Variants in LHFPL3 observed in about 807,000 individuals in gnomAD.
LHFPL3 encodes the protein LHFPL tetraspan subfamily member 3, also known as LHFPL tetraspan subfamily member 3 protein.
LHFPL3 carries 5 observed loss-of-function variants against 19.3 expected under a neutral mutation model. The observed-to-expected ratio is 0.26, with a 90% confidence interval of 0.14 to 0.54. LHFPL3 has a LOEUF of 0.54. Among genes scored for constraint, LHFPL3 ranks in the 20% least tolerant of loss-of-function variants. The pLI, the probability that LHFPL3 is intolerant of heterozygous loss-of-function variation, is 0.94. For missense variants in LHFPL3, 249 were observed against 307.4 expected (o/e 0.81, Z 1.42); for synonymous variants, 133 against 126.2 (o/e 1.05, Z -0.36).
chr7:104,534,380 C>T (rs181275635), intron 1 of LHFPL3, among the ~76,000 whole-genome samples: 14 of 152,318 alleles, frequency 9.2e-5, no homozygotes, highest in African/African-American at 3.4e-4. Flanking sequence ...AGCATGGCAC[C>T]CCAGTTCCAC....
chr7:104,870,494 C>T (rs921802312), intron 2 of LHFPL3, among the ~76,000 whole-genome samples: 3 of 152,232 alleles, frequency 2.0e-5, no homozygotes, highest in African/African-American at 7.2e-5. Flanking sequence ...ATGGAGCCTG[C>T]TTCCTCTTTG....
intron 1 of LHFPL3, among the ~76,000 whole-genome samples, chr7:104,435,807 G>A (rs1313070506): frequency 2.0e-5 from 3 of 150,660 alleles, no homozygotes; most frequent in African/African-American, 7.3e-5. Flanking sequence ...CTATAAAATG[G>A]CTATTTATAG....
chr7:104,612,013 A>G (rs2115753490), intron 1 of LHFPL3, among the ~76,000 whole-genome samples: 1 of 152,258 alleles, frequency 6.6e-6, no homozygotes, highest in Non-Finnish European at 1.5e-5. Flanking sequence ...TTTCTTCAAG[A>G]TTCTTCAAGA....
intron 1 of LHFPL3, among the ~76,000 whole-genome samples, chr7:104,424,717 C>A (rs561365717): frequency 1.3e-5 from 2 of 152,128 alleles, no homozygotes; most frequent in African/African-American, 4.8e-5. Context: ...CTTGGCCGGG[C>A]GCGGTGGCTC....
At chr7:104,597,701 A>G (rs775418236) in intron 1 of LHFPL3, among the ~76,000 whole-genome samples, 3 of 152,226 alleles carry the variant, frequency 2.0e-5, no homozygotes, top group Middle Eastern at 3.2e-3. Flanking sequence ...ATTTCAATCA[A>G]TATATGCAAC....
At chr7:104,705,399 C>T (rs1049022141) in intron 1 of LHFPL3, among the ~76,000 whole-genome samples, 3 of 152,142 alleles carry the variant, frequency 2.0e-5, no homozygotes, top group Non-Finnish European at 2.9e-5. Flanking sequence ...TCAACAGCAG[C>T]CATCATCTTC....
intron 2 of LHFPL3, among the ~76,000 whole-genome samples, chr7:104,781,786 A>G (rs889313040): frequency 6.6e-6 from 1 of 152,156 alleles, no homozygotes; most frequent in African/African-American, 2.4e-5. Flanking sequence ...AGAATTTGAC[A>G]TTGATAACCA....
At chr7:104,898,265 C>T (rs1792406860) in intron 2 of LHFPL3, among the ~76,000 whole-genome samples, 1 of 151,996 alleles carries the variant, frequency 6.6e-6, no homozygotes, top group Non-Finnish European at 1.5e-5. Flanking sequence ...CCTCAGCCTC[C>T]CAAAGTGCTG....
intron 1 of LHFPL3, among the ~76,000 whole-genome samples, chr7:104,378,086 T>C (rs1254311914): frequency 6.6e-6 from 1 of 152,212 alleles, no homozygotes; most frequent in Non-Finnish European, 1.5e-5. Flanking sequence ...ATGTACAGTT[T>C]ATAGAGTTTT....
At chr7:104,516,386 G>A (rs1489421406) in intron 1 of LHFPL3, among the ~76,000 whole-genome samples, 1 of 152,050 alleles carries the variant, frequency 6.6e-6, no homozygotes, top group Admixed American at 6.6e-5. Context: ...TTTGGGTAGG[G>A]ACACAGCCAA....
intron 1 of LHFPL3, among the ~76,000 whole-genome samples, chr7:104,605,719 G>T (rs1426755544): frequency 6.6e-6 from 1 of 151,958 alleles, no homozygotes; most frequent in Non-Finnish European, 1.5e-5. Context: ...TTGGTATTCA[G>T]TTTACAGATA....
intron 1 of LHFPL3, among the ~76,000 whole-genome samples, chr7:104,408,990 G>A (rs1329504505): frequency 4.0e-5 from 6 of 150,264 alleles, no homozygotes; most frequent in African/African-American, 1.5e-4. Context: ...TCAGCCTCCC[G>A]AGTAGCAGGG....
intron 1 of LHFPL3, among the ~76,000 whole-genome samples, chr7:104,351,533 A>G (rs1045006549): frequency 2.6e-5 from 4 of 152,190 alleles, no homozygotes; most frequent in African/African-American, 9.7e-5. Context: ...AGAAGTCACT[A>G]TATGTAAAAC....
intron 2 of LHFPL3, among the ~76,000 whole-genome samples, chr7:104,743,636 C>A (rs1027158699): frequency 6.6e-6 from 1 of 152,112 alleles, no homozygotes. Flanking sequence ...CCCATATAAC[C>A]TTTTCATTGA....
intron 1 of LHFPL3, among the ~76,000 whole-genome samples, chr7:104,331,486 A>C (rs1801566103): frequency 6.6e-6 from 1 of 152,188 alleles, no homozygotes; most frequent in Non-Finnish European, 1.5e-5. Flanking sequence ...ATTGATTCTG[A>C]TGACAGGTCA....
intron 1 of LHFPL3, among the ~76,000 whole-genome samples, chr7:104,365,852 G>A (rs1790484819): frequency 6.6e-6 from 1 of 151,682 alleles, no homozygotes; most frequent in Admixed American, 6.6e-5. Context: ...TGTGTGGGCG[G>A]GGAGGGGAGA....
At chr7:104,800,992 G>A (rs1181193218) in intron 2 of LHFPL3, among the ~76,000 whole-genome samples, 1 of 152,166 alleles carries the variant, frequency 6.6e-6, no homozygotes, top group Non-Finnish European at 1.5e-5. Flanking sequence ...TAGAAAAAAT[G>A]AGGGAGGTGA....
chr7:104,399,660 G>C lies in LHFPL3; in HGVS notation c.445+70436G>C, dbSNP rs1260956158. 2.0e-5 allele frequency among the ~76,000 whole-genome samples: 3 copies of C among 147,028 alleles called. No individual in the cohort carries two copies. The highest frequency in any genetic ancestry group is 4.5e-5 in the Non-Finnish European group (3 of 66,822). On this transcript the variant is annotated intron_variant, in intron 1 of 2. Coordinates refer to ENST00000424859, the MANE Select transcript of LHFPL3 (RefSeq NM_199000.3). This position sits in a 1 kb window ranked among gnomAD's most constrained non-coding sequence, Gnocchi z 4.4. The stretch of plus-strand genomic sequence containing the variant: ...CATTTTTTTTTTTTTTTTTGGTAGA[G>C]ACGGGGTTTCACCATATTGGCCAGG...
intron 1 of LHFPL3, among the ~76,000 whole-genome samples, chr7:104,388,466 A>C (rs989373493): frequency 1.1e-4 from 17 of 152,178 alleles, no homozygotes; most frequent in Non-Finnish European, 1.5e-5. Context: ...GGCGTATTCA[A>C]AGTGCTGAAA....
Sources: allele counts gnomAD v4.1 joint callset (sites outside exome capture counted in the v4.1 genomes callset), GRCh38; gene constraint gnomAD v4.1.1; non-coding constraint Gnocchi (gnomAD v3.1); transcripts MANE v1.5; gene names NCBI Gene and HGNC (gene_info 2026-07-23, HGNC 2026-07-21).